The following SLCO4A1 variants were observed in gnomAD, a reference collection of about 807,000 sequenced individuals.
The protein encoded by SLCO4A1 is colon organic anion transporter.
A neutral mutation model predicts 64.6 loss-of-function variants in SLCO4A1; 51 were observed. That is an observed-to-expected ratio of 0.79 (90% CI 0.63 to 1.00). SLCO4A1 has a LOEUF of 1.00. SLCO4A1 is among the 50% of genes least tolerant of loss of function. SLCO4A1 has a pLI of 0.00. For synonymous variants in SLCO4A1, 471 were observed against 444.9 expected, an observed-to-expected ratio of 1.06 and a Z score of -0.74; for missense variants, 919 against 980.5, an observed-to-expected ratio of 0.94 and a Z score of 0.84.
rs1988004706 is a variant in SLCO4A1 at position 62,685,033 on chromosome 20, G to A, written n.212-408G>A. On this transcript the variant is annotated intron_variant and non_coding_transcript_variant, in intron 2 of 2. Transcript: ENST00000466818. The surrounding 1 kb of genome is among the most constrained non-coding windows in gnomAD (Gnocchi z 4.6). The stretch of plus-strand genomic sequence containing the variant: ...GCACCTCAGAGAGACCAGTAATGGG[G>A]CGGATTAGCAGGGGCCAAGGGTCTG... Among the ~76,000 whole-genome samples, 12 of 152,256 alleles carry A rather than the reference G, an allele frequency of 7.9e-5. No homozygotes were observed. The South Asian group carries it at 2.3e-3, about 29-fold the overall frequency.
At position 62,668,070 on chromosome 20, in the gene SLCO4A1, C is replaced by T. The variant is rs1447733744; in HGVS notation, c.1697C>T (p.Thr566Ile). ...QNLSSGFGHA[T>I]AGKCTSTCQR... ...CTTTCCTCTGGTTTTGGCCATGCCA[C>T]TGCAGGGAAATGCACTTCAACTTGT... The change falls in exon 9 of 12, where the codon ACT becomes ATT. Residue 566 changes from threonine to isoleucine, a missense_variant. Transcript: ENST00000217159. 6.2e-7 allele frequency: 1 copy of T among 1,614,034 alleles called. No homozygotes were observed. Among genetic ancestry groups the T allele is most frequent in the African/African-American group, 1.3e-5 (1 of 75,062 alleles).
rs1320694777 is a variant in SLCO4A1 at position 62,658,674 on chromosome 20, C to A, written c.797-3C>A. On this transcript the variant is annotated splice_region_variant and splice_polypyrimidine_tract_variant and intron_variant, in intron 2 of 11. Coordinates refer to ENST00000217159, the MANE Select transcript of SLCO4A1 (RefSeq NM_016354.4). The stretch of plus-strand genomic sequence containing the variant: ...GGCCCTGACGCCTCTGCCTCTCTCG[C>A]AGCCATCTTCTACACAGCGGCCATC... 2 of 1,608,860 alleles carry A rather than the reference C, an allele frequency of 1.2e-6. No individual in the cohort carries two copies. Among genetic ancestry groups the A allele is most frequent in the Admixed American group, 1.7e-5 (1 of 59,624 alleles).
intron 11 of SLCO4A1, 48 bp downstream of exon 11, chr20:62,669,126 G>A (rs1234444674): frequency 6.3e-7 from 1 of 1,575,324 alleles, no homozygotes; most frequent in Non-Finnish European, 8.6e-7. Flanking sequence ...GAGGGTGGCT[G>A]GGGGCTCCGA....
At chr20:62,686,614 T>G (rs78928059), downstream of SLCO4A1, among the ~76,000 whole-genome samples, 1,288 of 152,386 alleles carry the variant, frequency 8.5e-3, 31 homozygotes, top group African/African-American at 0.03. Context: ...ATCTTGGTTT[T>G]GTTTTCTTTC....
At chr20:62,674,840 C>T (rs1016992367), downstream of SLCO4A1, among the ~76,000 whole-genome samples, 5 of 152,202 alleles carry the variant, frequency 3.3e-5, no homozygotes, top group Admixed American at 1.3e-4. Context: ...TGTGCTGACA[C>T]GACTAGAAGA....
At chr20:62,657,284 G>A (rs1263273383) in intron 2 of SLCO4A1, 34 bp downstream of exon 2, 2 of 1,484,440 alleles carry the variant, frequency 1.3e-6, no homozygotes, top group African/African-American at 2.8e-5. Flanking sequence ...TGCTGGCAGG[G>A]GTGGCTGAGG....
chr20:62,664,941 T>C lies in SLCO4A1; in HGVS notation c.1129T>C (p.Trp377Arg). 1 of 1,607,444 alleles carries C rather than the reference T, an allele frequency of 6.2e-7. No homozygotes were observed. Among genetic ancestry groups the C allele is most frequent in the East Asian group, 2.2e-5 (1 of 44,792 alleles). ...ACCCCCACCTCTGCCCAGCTCCATC[T>C]GGCTCCTGCTGAAGAACCCCACGTT... ...KTIRDLPLSIWLLLKNPTFIL... is the reference protein window; with the variant it reads ...KTIRDLPLSIRLLLKNPTFIL... Residue 377 changes from tryptophan to arginine, a missense_variant, in exon 6 of 12, where the codon TGG becomes CGG. By Grantham distance (101) the Trp-to-Arg change is moderately radical. Coordinates refer to ENST00000217159, the MANE Select transcript of SLCO4A1 (RefSeq NM_016354.4).
intron 1 of SLCO4A1, among the ~76,000 whole-genome samples, chr20:62,653,140 C>T (rs1449076805): frequency 6.6e-6 from 1 of 152,248 alleles, no homozygotes; most frequent in African/African-American, 2.4e-5. Flanking sequence ...CAGCTGCCCG[C>T]CTTCGTCCCA....
intron 11 of SLCO4A1, among the ~76,000 whole-genome samples, chr20:62,670,997 G>A (rs1314071629): frequency 6.6e-6 from 1 of 152,272 alleles, no homozygotes; most frequent in African/African-American, 2.4e-5. Context: ...CATTGCGGCA[G>A]CATCCGTGCT....
chr20:62,690,484 C>T (rs1988192087), downstream of SLCO4A1, among the ~76,000 whole-genome samples: 2 of 152,226 alleles, frequency 1.3e-5, no homozygotes, highest in African/African-American at 4.8e-5. Context: ...CACCGAGCCG[C>T]AGGCCAGAGC....
downstream of SLCO4A1, among the ~76,000 whole-genome samples, chr20:62,673,158 G>A (rs973080893): frequency 7.0e-6 from 1 of 142,604 alleles, no homozygotes; most frequent in Admixed American, 7.0e-5. Context: ...GGGCCAGGGA[G>A]GGGCATGGGG....
At position 62,665,093 on chromosome 20, in the gene SLCO4A1, G is replaced by C. The variant is rs1297509391; in HGVS notation, c.1276+5G>C. 4.4e-6 allele frequency: 7 copies of C among 1,601,774 alleles called. No homozygotes were observed. Among genetic ancestry groups the C allele is most frequent in the Non-Finnish European group, 6.0e-6 (7 of 1,175,608 alleles). On this transcript the variant is annotated splice_donor_5th_base_variant and intron_variant, in intron 6 of 11. Coordinates refer to ENST00000217159, the MANE Select transcript of SLCO4A1 (RefSeq NM_016354.4). ...CAGAAGCTGCCACCTTGTTTGGTGAGAAAACTGAATCTTGGGGGTCCTCTG... is the reference window on the plus strand; with the variant it reads ...CAGAAGCTGCCACCTTGTTTGGTGACAAAACTGAATCTTGGGGGTCCTCTG...
At chr20:62,689,829 C>T (rs977421418), downstream of SLCO4A1, among the ~76,000 whole-genome samples, 12 of 152,334 alleles carry the variant, frequency 7.9e-5, no homozygotes, top group Admixed American at 2.0e-4. Context: ...ATGTGTGGGA[C>T]GGGGCACCCA....
Position 62,667,774 on chromosome 20 carries a change from C to G in SLCO4A1, c.1502C>G (p.Thr501Arg). 6.2e-7 allele frequency: 1 copy of G among 1,610,910 alleles called. No individual in the cohort carries two copies. ...SLLPEGHLNL[T>R]APCNAACSCQ... ...CTGCCCGAAGGCCACCTGAACCTAA[C>G]GGCTCCCTGCAACGCTGCCTGCAGC... Residue 501 changes from threonine to arginine, a missense_variant, in exon 8 of 12, where the codon ACG becomes AGG. Coordinates refer to ENST00000217159, the MANE Select transcript of SLCO4A1 (RefSeq NM_016354.4).
chr20:62,665,260 C>A, intron 6 of SLCO4A1, 172 bp downstream of exon 6: 1 of 670,336 alleles, frequency 1.5e-6, no homozygotes, highest in Non-Finnish European at 2.4e-6. Flanking sequence ...CGACTCTGTC[C>A]ACAGGCCGGG....
At chr20:62,659,899 C>T (rs565992224) in intron 3 of SLCO4A1, among the ~76,000 whole-genome samples, 5 of 152,390 alleles carry the variant, frequency 3.3e-5, no homozygotes, top group African/African-American at 1.2e-4. Context: ...TTCTACCACT[C>T]CACGGCCGCC....
chr20:62,652,057 C>G (rs1254749274), intron 1 of SLCO4A1: 6 of 146,742 alleles, frequency 4.1e-5, no homozygotes, highest in South Asian at 2.2e-4. Context: ...CCACACCCCC[C>G]ACCCCCGCTC....
At chr20:62,684,888 G>C (rs536167387) in intron 2 of SLCO4A1, among the ~76,000 whole-genome samples, 3 of 152,118 alleles carry the variant, frequency 2.0e-5, no homozygotes, top group Non-Finnish European at 4.4e-5. Flanking sequence ...CTGCAGCAAC[G>C]ACCCGACCAC....
chr20:62,679,686 A>G (rs1987742849), intron 2 of SLCO4A1, among the ~76,000 whole-genome samples: 1 of 152,190 alleles, frequency 6.6e-6, no homozygotes, highest in South Asian at 2.1e-4. Flanking sequence ...TTTACAAGCC[A>G]GTTTTACTGC....
Sources: gnomAD v4.1 joint callset for allele counts (sites outside exome capture counted in the v4.1 genomes callset) on GRCh38, gnomAD v4.1.1 for gene constraint, Gnocchi (gnomAD v3.1) non-coding constraint, MANE v1.5 for transcripts, NCBI Gene and HGNC (gene_info 2026-07-23, HGNC 2026-07-21) for gene names.